The following NOL4L variants were observed in gnomAD, a reference collection of about 807,000 sequenced individuals.
The protein encoded by NOL4L is nucleolar protein 4-like.
A neutral mutation model predicts 64.5 loss-of-function variants in NOL4L; 7 were observed. The ratio of observed to expected loss-of-function variants is 0.11; its 90% CI spans 0.06 to 0.20. The LOEUF (loss-of-function observed/expected upper bound fraction) is 0.20, where lower values mean the gene tolerates loss of function less well. NOL4L is among the 10% of genes least tolerant of loss of function. The pLI, the probability that NOL4L is intolerant of heterozygous loss-of-function variation, is 1.00. For synonymous variants in NOL4L, 413 were observed against 401.0 expected, an observed-to-expected ratio of 1.03 and a Z score of -0.36; for missense variants, 680 against 967.1, an observed-to-expected ratio of 0.70 and a Z score of 3.94.
chr20:32,479,914 G>T (rs576689073), intron 4 of NOL4L, among the ~76,000 whole-genome samples: 2 of 152,284 alleles, frequency 1.3e-5, no homozygotes, highest in South Asian at 4.1e-4. Flanking sequence ...CTTATCTTCA[G>T]TCCAAAATTC....
intron 1 of NOL4L, chr20:32,536,421 CTG>C (rs1020985855): frequency 7.2e-5 from 42 of 580,160 alleles, no homozygotes; most frequent in Non-Finnish European, 8.7e-6. Context: ...GCGCTAATGA[CTG>C]TTGACAGCGC....
At chr20:32,482,441 G>C (rs1336325230) in intron 4 of NOL4L, among the ~76,000 whole-genome samples, 1 of 152,156 alleles carries the variant, frequency 6.6e-6, no homozygotes, top group Non-Finnish European at 1.5e-5. Context: ...GGTGGGAGCA[G>C]GGTCACTTCT....
At chr20:32,485,446 T>A (rs2016049184) in intron 4 of NOL4L, 1 of 254,354 alleles carries the variant, frequency 3.9e-6, no homozygotes, top group Non-Finnish European at 8.0e-6. Context: ...GACATCACAT[T>A]AGCGCCACGC....
rs772007410 is a variant in NOL4L, at chr20:32,453,316, G to A, written c.1485C>T (p.Asn495=). The change falls in exon 8 of 11, where the codon AAC becomes AAT. Residue 495 remains asparagine (N), a synonymous_variant. Transcript: ENST00000621426. The surrounding 1 kb of genome is among the most constrained non-coding windows in gnomAD (Gnocchi z 5.6). The part of the protein sequence containing the change: ...YLKSCRRMKK[N]GMEMTRPTPP... ...AGGGGGGACTCACCATCTCCATGCCGTTCTTCTTCATGCGACGGCAGGACT... is the reference window on the plus strand; with the variant it reads ...AGGGGGGACTCACCATCTCCATGCCATTCTTCTTCATGCGACGGCAGGACT... The A allele has an allele frequency of 3.0e-5, 49 of 1,613,836 alleles. No individual in the cohort carries two copies. In the South Asian group the frequency reaches 3.4e-4, roughly 11 times the overall value.
chr20:32,531,728 G>T (rs2018354492), intron 1 of NOL4L, among the ~76,000 whole-genome samples: 1 of 152,140 alleles, frequency 6.6e-6, no homozygotes, highest in Non-Finnish European at 1.5e-5. Context: ...ATGTTCCAAG[G>T]ATCAAGAATG....
intron 2 of NOL4L, among the ~76,000 whole-genome samples, chr20:32,524,780 T>C (rs1345504471): frequency 6.6e-6 from 1 of 151,134 alleles, no homozygotes; most frequent in Non-Finnish European, 1.5e-5. Context: ...TAGGTATGGG[T>C]CGAGGAAAAT....
chr20:32,465,146 G>T (rs768590025), intron 5 of NOL4L: 47 of 489,298 alleles, frequency 9.6e-5, no homozygotes, highest in Non-Finnish European at 1.7e-4. Context: ...TTCAGTGGAG[G>T]GGGAGGTGGA....
chr20:32,554,639 C>T (rs1978538077), intron 1 of NOL4L, among the ~76,000 whole-genome samples: 1 of 152,118 alleles, frequency 6.6e-6, no homozygotes, highest in African/African-American at 2.4e-5. Flanking sequence ...CTGGGAAACC[C>T]CCCAGGAAAT....
chr20:32,473,955 G>A (rs577353505), intron 5 of NOL4L, among the ~76,000 whole-genome samples: 3 of 152,332 alleles, frequency 2.0e-5, no homozygotes, highest in South Asian at 2.1e-4. Flanking sequence ...GGGAGTCCAC[G>A]TGGAGGCCGG....
At chr20:32,522,140 G>A (rs2017967076) in intron 2 of NOL4L, among the ~76,000 whole-genome samples, 1 of 152,258 alleles carries the variant, frequency 6.6e-6, no homozygotes, top group African/African-American at 2.4e-5. Flanking sequence ...GGGTGTCCCA[G>A]GCTGTGGCTG....
chr20:32,476,360 C>A (rs933254938), intron 4 of NOL4L, among the ~76,000 whole-genome samples: 2 of 152,154 alleles, frequency 1.3e-5, no homozygotes, highest in South Asian at 4.1e-4. Flanking sequence ...TTCCTTGGAG[C>A]CTTGAGCAAG....
chr20:32,561,490 G>A (rs1979014881), intron 1 of NOL4L, among the ~76,000 whole-genome samples: 1 of 152,210 alleles, frequency 6.6e-6, no homozygotes, highest in African/African-American at 2.4e-5. Flanking sequence ...GATCTGGGCA[G>A]GGCTGGGCCT....
chr20:32,571,995 C>T (rs1223781623), intron 1 of NOL4L, among the ~76,000 whole-genome samples: 1 of 152,218 alleles, frequency 6.6e-6, no homozygotes, highest in Non-Finnish European at 1.5e-5. Context: ...TGCCTAATAT[C>T]CCAAGGTTGG....
At chr20:32,478,526 A>T (rs1423936295) in intron 4 of NOL4L, among the ~76,000 whole-genome samples, 1 of 152,162 alleles carries the variant, frequency 6.6e-6, no homozygotes, top group East Asian at 1.9e-4. Context: ...CTCCCCAGGA[A>T]GTTTTCCCAC....
At chr20:32,492,054 T>A (rs2016489214) in intron 4 of NOL4L, among the ~76,000 whole-genome samples, 1 of 152,162 alleles carries the variant, frequency 6.6e-6, no homozygotes, top group Admixed American at 6.5e-5. Flanking sequence ...AAGGCTGCAG[T>A]GAGCTGTGAT....
chr20:32,473,612 G>A (rs1385434018), intron 5 of NOL4L, among the ~76,000 whole-genome samples: 1 of 152,186 alleles, frequency 6.6e-6, no homozygotes, highest in Non-Finnish European at 1.5e-5. Flanking sequence ...GGAGGCAGGC[G>A]CGCAGGTTCT....
At position 32,453,991 on chromosome 20, in the gene NOL4L, G is replaced by T; in HGVS notation, c.1120-230C>A. ...TCCCTGGGCTGCCGCAGGGAGGACC[G>T]ACTGCAATAGTGTATGCAGAGACCT... On this transcript the variant is annotated intron_variant, in intron 6 of 10. Coordinates refer to ENST00000621426, the MANE Select transcript of NOL4L (RefSeq NM_001256798.2). This position sits in a 1 kb window ranked among gnomAD's most constrained non-coding sequence, Gnocchi z 5.6. 1.8e-6 allele frequency: 1 copy of T among 566,898 alleles called. No homozygotes were observed. The highest frequency in any genetic ancestry group is 3.2e-6 in the Non-Finnish European group (1 of 315,188). The allele number at this position is 566,898 out of a possible 1,614,324, so 35.1% of individuals were successfully genotyped here.
intron 4 of NOL4L, among the ~76,000 whole-genome samples, chr20:32,497,071 A>AAT (rs1472473481): frequency 6.6e-6 from 1 of 151,668 alleles, no homozygotes; most frequent in African/African-American, 2.4e-5. Context: ...AAAAAAAAAA[A>AAT]AAAAAAGCCC....
In NOL4L at chr20:32,463,408, G is replaced by A. The variant is rs1209581462; in HGVS notation, c.842-7013C>T. ...GGGCCTGCCCCCAGCCCATGGCTGC[G>A]TGGGCAGCAGAGACATGTCCTGAGG... On this transcript the variant is annotated intron_variant, in intron 5 of 10. Coordinates refer to ENST00000621426, the MANE Select transcript of NOL4L (RefSeq NM_001256798.2). This position sits in a 1 kb window ranked among gnomAD's most constrained non-coding sequence, Gnocchi z 5.8. 6.6e-6 allele frequency among the ~76,000 whole-genome samples: 1 copy of A among 152,214 alleles called. No homozygotes were observed. Among genetic ancestry groups the A allele is most frequent in the Admixed American group, 6.5e-5 (1 of 15,290 alleles).
Sources: gnomAD v4.1 joint callset for allele counts (sites outside exome capture counted in the v4.1 genomes callset) on GRCh38, gnomAD v4.1.1 for gene constraint, Gnocchi (gnomAD v3.1) non-coding constraint, MANE v1.5 for transcripts, NCBI Gene and HGNC (gene_info 2026-07-23, HGNC 2026-07-21) for gene names.